Variants in FCHSD2 observed in about 807,000 individuals in gnomAD.
FCHSD2 encodes the protein FCH and double SH3 domains 2, also known as F-BAR and double SH3 domains protein 2.
In FCHSD2, 38 loss-of-function variants were observed where a neutral mutation model predicts 108.1. The ratio of observed to expected loss-of-function variants is 0.35; its 90% confidence interval spans 0.27 to 0.46. The LOEUF is 0.46. Among genes scored for constraint, FCHSD2 ranks in the 20% least tolerant of loss-of-function variants. The pLI, the probability that FCHSD2 is intolerant of heterozygous loss-of-function variation, is 1.00. For missense variants in FCHSD2, 751 were observed against 897.8 expected (o/e 0.84, Z 2.09); for synonymous variants, 279 against 314.7 (o/e 0.89, Z 1.20).
intron 8 of FCHSD2, among the ~76,000 whole-genome samples, chr11:72,973,219 T>A (rs1857039693): frequency 6.6e-6 from 1 of 151,964 alleles, no homozygotes; most frequent in African/African-American, 2.4e-5. Flanking sequence ...AATACAAAAT[T>A]AGCTGGGTGT....
At chr11:72,880,660 A>G (rs957756279) in intron 12 of FCHSD2, among the ~76,000 whole-genome samples, 11 of 152,188 alleles carry the variant, frequency 7.2e-5, no homozygotes, top group Admixed American at 2.0e-4. Context: ...TCACACCTGT[A>G]ATCTTAGCAC....
chr11:73,017,354 TCATTAA>T (rs1857996964), intron 3 of FCHSD2, among the ~76,000 whole-genome samples: 1 of 152,142 alleles, frequency 6.6e-6, no homozygotes, highest in Admixed American at 6.5e-5. Flanking sequence ...GTTATAGAAA[TCATTAA>T]CATTGAGATA....
chr11:72,867,841 C>T, intron 13 of FCHSD2, 24 bp downstream of exon 13: 1 of 1,600,084 alleles, frequency 6.2e-7, no homozygotes, highest in Non-Finnish European at 8.5e-7. Flanking sequence ...ATCAACTTGT[C>T]ATATCCAAGA....
At chr11:72,944,263 A>G (rs1430307195) in intron 8 of FCHSD2, among the ~76,000 whole-genome samples, 1 of 152,190 alleles carries the variant, frequency 6.6e-6, no homozygotes, top group Admixed American at 6.5e-5. Context: ...ATCAATAAAC[A>G]TAATCCAGCA....
intron 2 of FCHSD2, among the ~76,000 whole-genome samples, chr11:73,133,972 G>A (rs113102552): frequency 1.3e-5 from 2 of 151,634 alleles, no homozygotes; most frequent in African/African-American, 4.8e-5. Flanking sequence ...TTAAATTGGC[G>A]TGACGATTGT....
At chr11:72,937,510 T>A (rs1856327556) in intron 8 of FCHSD2, among the ~76,000 whole-genome samples, 1 of 152,182 alleles carries the variant, frequency 6.6e-6, no homozygotes, top group South Asian at 2.1e-4. Flanking sequence ...AATAAACATG[T>A]CATGGACATA....
At chr11:72,938,285 G>A (rs1424304415) in intron 8 of FCHSD2, among the ~76,000 whole-genome samples, 2 of 150,974 alleles carry the variant, frequency 1.3e-5, no homozygotes, top group Admixed American at 6.6e-5. Flanking sequence ...CTGGGTTCAA[G>A]TGATTCTTGA....
chr11:73,131,046 T>C (rs190490512), intron 2 of FCHSD2, among the ~76,000 whole-genome samples: 7 of 152,240 alleles, frequency 4.6e-5, no homozygotes, highest in Non-Finnish European at 1.0e-4. Flanking sequence ...AATACCTGAG[T>C]CCAGTACCTG....
intron 3 of FCHSD2, among the ~76,000 whole-genome samples, chr11:73,067,048 G>T (rs1023706364): frequency 6.6e-6 from 1 of 151,952 alleles, no homozygotes; most frequent in Non-Finnish European, 1.5e-5. Flanking sequence ...TGTTTATTCC[G>T]GCACTATTCA....
At chr11:72,979,195 T>C (rs1411451723) in intron 8 of FCHSD2, among the ~76,000 whole-genome samples, 6 of 152,026 alleles carry the variant, frequency 3.9e-5, no homozygotes, top group Non-Finnish European at 8.8e-5. Context: ...AACGAACTAA[T>C]ACAACAGGCA....
chr11:73,084,443 T>A (rs556053624), intron 2 of FCHSD2, among the ~76,000 whole-genome samples: 1 of 152,176 alleles, frequency 6.6e-6, no homozygotes, highest in Non-Finnish European at 1.5e-5. Context: ...TAGGCTTGAG[T>A]GCGGCGGTGA....
intron 2 of FCHSD2, among the ~76,000 whole-genome samples, chr11:73,127,771 T>G (rs1860893109): frequency 6.6e-6 from 1 of 151,852 alleles, no homozygotes; most frequent in South Asian, 2.1e-4. Context: ...GGCACTTCAC[T>G]AATGCCTTCA....
At chr11:72,884,212 CT>C (rs1565304957) in intron 12 of FCHSD2, among the ~76,000 whole-genome samples, 2 of 152,076 alleles carry the variant, frequency 1.3e-5, no homozygotes, top group Admixed American at 1.3e-4. Context: ...CTAATCAGGC[CT>C]TAAGACCTAA....
intron 8 of FCHSD2, among the ~76,000 whole-genome samples, chr11:72,944,661 A>G (rs527281722): frequency 6.6e-6 from 1 of 152,322 alleles, no homozygotes; most frequent in African/African-American, 2.4e-5. Flanking sequence ...CCATTGTCTC[A>G]GCTCAAAATC....
chr11:73,076,786 C>G (rs555573324), intron 3 of FCHSD2, among the ~76,000 whole-genome samples: 7 of 152,040 alleles, frequency 4.6e-5, no homozygotes, highest in Non-Finnish European at 1.0e-4. Context: ...TGTATTGATA[C>G]TACTAGAAGC....
intron 8 of FCHSD2, among the ~76,000 whole-genome samples, chr11:72,947,825 G>A (rs2135351610): frequency 6.6e-6 from 1 of 152,068 alleles, no homozygotes; most frequent in South Asian, 2.1e-4. Flanking sequence ...ATAAATATGG[G>A]AACATTAACT....
At chr11:73,067,433 C>T (rs1465871396) in intron 3 of FCHSD2, among the ~76,000 whole-genome samples, 1 of 151,398 alleles carries the variant, frequency 6.6e-6, no homozygotes, top group East Asian at 1.9e-4. Context: ...ACCTATGTAA[C>T]AAAACTGCGC....
intron 2 of FCHSD2, among the ~76,000 whole-genome samples, chr11:73,086,855 A>G (rs1261575547): frequency 2.0e-5 from 3 of 152,236 alleles, no homozygotes; most frequent in Admixed American, 1.3e-4. Context: ...GGTATATACA[A>G]TGAAATATTA....
chr11:73,120,267 G>A (rs1452709067), intron 2 of FCHSD2, among the ~76,000 whole-genome samples: 1 of 152,198 alleles, frequency 6.6e-6, no homozygotes, highest in Non-Finnish European at 1.5e-5. Flanking sequence ...TTGAACTATG[G>A]AAGATTACAT....
Sources: gnomAD v4.1 joint callset for allele counts (sites outside exome capture counted in the v4.1 genomes callset) on GRCh38, gnomAD v4.1.1 for gene constraint, MANE v1.5 for transcripts, NCBI Gene and HGNC (gene_info 2026-07-23, HGNC 2026-07-21) for gene names.